Variants in ARHGAP23 observed in about 807,000 individuals in gnomAD.
The protein encoded by ARHGAP23 is rho GTPase-activating protein 23.
Under a neutral mutation model 136.3 loss-of-function variants are expected in ARHGAP23, and 34 were observed. That is an observed-to-expected ratio of 0.25 (90% CI 0.19 to 0.33). The LOEUF is 0.33. ARHGAP23 is among the 10% of genes least tolerant of loss of function. ARHGAP23 has a pLI of 1.00. For synonymous variants in ARHGAP23, 832 were observed against 920.5 expected (o/e 0.90, Z 1.74); for missense variants, 1,808 against 2,139.0 (o/e 0.85, Z 3.05).
At chr17:38,443,641 G>A (rs1401441019) in intron 1 of ARHGAP23, among the ~76,000 whole-genome samples, 2 of 150,026 alleles carry the variant, frequency 1.3e-5, no homozygotes, top group African/African-American at 4.9e-5. Context: ...AGGGCCACAT[G>A]TGTGAAGGGG....
chr17:38,487,512 C>T (rs2040185677), intron 17 of ARHGAP23, among the ~76,000 whole-genome samples: 1 of 152,138 alleles, frequency 6.6e-6, no homozygotes, highest in African/African-American at 2.4e-5. Context: ...TTTAGACTCC[C>T]ACTAAAATGT....
chr17:38,509,339 C>T (rs1254657426), intron 23 of ARHGAP23, among the ~76,000 whole-genome samples: 1 of 150,700 alleles, frequency 6.6e-6, no homozygotes, highest in Non-Finnish European at 1.5e-5. Context: ...GAGCTGGCGG[C>T]GGGATTGACC....
At chr17:38,444,466 G>A (rs553714347) in intron 1 of ARHGAP23, among the ~76,000 whole-genome samples, 1 of 152,258 alleles carries the variant, frequency 6.6e-6, no homozygotes, top group South Asian at 2.1e-4. Flanking sequence ...TGTGCTTGGT[G>A]GGTTTGAGGG....
At chr17:38,498,907 T>G in intron 22 of ARHGAP23, 6 of 584,324 alleles carry the variant, frequency 1.0e-5, no homozygotes, top group African/African-American at 3.9e-5. Flanking sequence ...CCCCCTTCTC[T>G]TCTCCTCCCC....
chr17:38,459,845 C>T (rs4795282), intron 2 of ARHGAP23, among the ~76,000 whole-genome samples: 67,240 of 152,038 alleles, frequency 0.44, 15,662 homozygotes, highest in African/African-American at 0.58. Context: ...TTGCATCAGC[C>T]GGAGTGCACC....
At chr17:38,422,364 C>T (rs1422755203) in intron 1 of ARHGAP23, among the ~76,000 whole-genome samples, 1 of 152,232 alleles carries the variant, frequency 6.6e-6, no homozygotes, top group Non-Finnish European at 1.5e-5. Flanking sequence ...TTTGCAAGCC[C>T]CTGCTGAGTG....
intron 1 of ARHGAP23, among the ~76,000 whole-genome samples, chr17:38,440,556 A>G (rs1359709433): frequency 6.6e-6 from 1 of 152,248 alleles, no homozygotes; most frequent in Non-Finnish European, 1.5e-5. Context: ...GACCAAGGTC[A>G]TGCAGTTGGG....
intron 17 of ARHGAP23, among the ~76,000 whole-genome samples, chr17:38,488,814 G>A (rs1229321907): frequency 6.6e-6 from 1 of 151,894 alleles, no homozygotes. Flanking sequence ...CTCCCAAAGT[G>A]CTGGGATTAC....
chr17:38,440,396 C>T (rs1385131269), intron 1 of ARHGAP23, among the ~76,000 whole-genome samples: 1 of 152,198 alleles, frequency 6.6e-6, no homozygotes, highest in African/African-American at 2.4e-5. Context: ...TTTTATAAAA[C>T]CAGGGACTGC....
intron 1 of ARHGAP23, chr17:38,457,781 T>G: frequency 1.1e-5 from 5 of 457,140 alleles, no homozygotes; most frequent in African/African-American, 2.0e-5. Flanking sequence ...GTCCTGCACA[T>G]AGTAGGTGCT....
chr17:38,442,261 C>T (rs980962342), intron 1 of ARHGAP23, among the ~76,000 whole-genome samples: 1 of 152,166 alleles, frequency 6.6e-6, no homozygotes. Flanking sequence ...GCCCGGCCCC[C>T]CTTTCTTCCT....
chr17:38,510,330 G>A lies in ARHGAP23; in HGVS notation c.3834G>A (p.Glu1278=). The change falls in exon 24 of 24, where the codon GAG becomes GAA. Residue 1278 remains glutamate (E), a synonymous_variant. Transcript: ENST00000622683. The surrounding 1 kb of genome is among the most constrained non-coding windows in gnomAD (Gnocchi z 4.6). ...RAGAGDEADD[E]RSELSHVETD... ...GGGCGGGGGATGAGGCGGACGACGAGCGTAGCGAGCTGAGCCACGTGGAGA... is the reference window on the plus strand; with the variant it reads ...GGGCGGGGGATGAGGCGGACGACGAACGTAGCGAGCTGAGCCACGTGGAGA... 2 of 1,258,320 alleles carry A rather than the reference G, an allele frequency of 1.6e-6. No individual in the cohort carries two copies. Among genetic ancestry groups the A allele is most frequent in the South Asian group, 6.3e-5 (2 of 31,780 alleles). 77.9% of individuals were successfully genotyped at this position (1,258,320 alleles called of 1,614,324 possible).
At chr17:38,462,247 C>CTTTTTTTTT (rs59822011) in intron 3 of ARHGAP23, among the ~76,000 whole-genome samples, 1 of 46,850 alleles carries the variant, frequency 2.1e-5, no homozygotes, top group Non-Finnish European at 3.6e-5. Context: ...CGCACCCGGC[C>CTTTTTTTTT]TTTTTTTTTT....
At chr17:38,488,386 T>A (rs1874995665) in intron 17 of ARHGAP23, among the ~76,000 whole-genome samples, 2 of 152,272 alleles carry the variant, frequency 1.3e-5, no homozygotes, top group African/African-American at 2.4e-5. Flanking sequence ...CCCATTTTTC[T>A]GTTGCGTTGT....
At chr17:38,470,765 G>T (rs1292019574) in intron 10 of ARHGAP23, among the ~76,000 whole-genome samples, 1 of 152,078 alleles carries the variant, frequency 6.6e-6, no homozygotes, top group African/African-American at 2.4e-5. Flanking sequence ...TCGAACTCCT[G>T]ACGTCAGGTG....
intron 11 of ARHGAP23, among the ~76,000 whole-genome samples, chr17:38,474,200 C>T (rs556984640): frequency 1.1e-4 from 16 of 152,300 alleles, no homozygotes; most frequent in African/African-American, 3.1e-4. Context: ...GGATTACAGG[C>T]GTGAGCCACC....
At chr17:38,469,009 G>C in intron 7 of ARHGAP23, 135 bp from the exon 8 acceptor site, 2 of 894,952 alleles carry the variant, frequency 2.2e-6, no homozygotes, top group East Asian at 5.5e-5. Context: ...TTGACAGTGG[G>C]CATGTTGCCA....
chr17:38,499,339 C>T (rs2144787697), intron 22 of ARHGAP23, among the ~76,000 whole-genome samples: 1 of 152,350 alleles, frequency 6.6e-6, no homozygotes, highest in South Asian at 2.1e-4. Context: ...TTATCTCTAA[C>T]TCCTGCCTCA....
chr17:38,454,590 C>T (rs554226354), intron 1 of ARHGAP23, among the ~76,000 whole-genome samples: 17 of 152,170 alleles, frequency 1.1e-4, no homozygotes, highest in Admixed American at 1.0e-3. Context: ...CGAGGGTTTC[C>T]TAGTGGGCAG....
Sources: gnomAD v4.1 joint callset for allele counts (sites outside exome capture counted in the v4.1 genomes callset) on GRCh38, gnomAD v4.1.1 for gene constraint, Gnocchi (gnomAD v3.1) non-coding constraint, MANE v1.5 for transcripts, NCBI Gene and HGNC (gene_info 2026-07-23, HGNC 2026-07-21) for gene names.